GABRG3: variants seen among roughly 807,000 people sequenced by gnomAD.
GABRG3 encodes gamma-aminobutyric acid type A receptor subunit gamma3, also known as gamma-aminobutyric acid receptor subunit gamma-3.
In GABRG3, 25 loss-of-function variants were observed where a neutral mutation model predicts 48.8. The observed-to-expected ratio is 0.51, with a 90% confidence interval of 0.37 to 0.72. The LOEUF is 0.72. GABRG3 is among the 30% of genes least tolerant of loss of function. GABRG3 has a pLI of 0.00. For missense variants in GABRG3, 394 were observed against 577.9 expected, an observed-to-expected ratio of 0.68 and a Z score of 3.26; for synonymous variants, 227 against 217.6, an observed-to-expected ratio of 1.04 and a Z score of -0.38.
chr15:27,438,554 C>T (rs1156964216), intron 5 of GABRG3, among the ~76,000 whole-genome samples: 4 of 152,244 alleles, frequency 2.6e-5, no homozygotes, highest in East Asian at 1.9e-4. Context: ...GGAGGGCTGC[C>T]GTCTGCTCAG....
At chr15:27,513,131 G>T (rs1448358428) in intron 6 of GABRG3, among the ~76,000 whole-genome samples, 2 of 151,890 alleles carry the variant, frequency 1.3e-5, no homozygotes, top group Non-Finnish European at 2.9e-5. Flanking sequence ...GGGGAGGGAA[G>T]GAGAAGAAAT....
intron 6 of GABRG3, among the ~76,000 whole-genome samples, chr15:27,519,530 T>C (rs886929313): frequency 1.3e-5 from 2 of 152,198 alleles, no homozygotes; most frequent in Non-Finnish European, 2.9e-5. Context: ...AAATATAAAA[T>C]GGTTACACAA....
chr15:27,322,888 A>G (rs559404483), intron 3 of GABRG3, among the ~76,000 whole-genome samples: 1 of 152,262 alleles, frequency 6.6e-6, no homozygotes, highest in Non-Finnish European at 1.5e-5. Context: ...CTTAGGCCTC[A>G]GTTTACCCTT....
At chr15:27,059,991 A>C (rs375565085) in intron 3 of GABRG3, among the ~76,000 whole-genome samples, 19 of 152,328 alleles carry the variant, frequency 1.2e-4, no homozygotes, top group African/African-American at 4.3e-4. Context: ...ATTTATTATA[A>C]CCTTTAGTAA....
Position 27,263,349 on chromosome 15 carries a change from T to C in GABRG3, c.271-63460T>C, listed in dbSNP as rs899713136. 4.6e-5 allele frequency among the ~76,000 whole-genome samples: 7 copies of C among 152,280 alleles called. No homozygotes were observed. In the East Asian group the frequency reaches 1.2e-3, roughly 25 times the overall value. On this transcript the variant is annotated intron_variant, in intron 3 of 9. Transcript: ENST00000615808. ...GTCCTGAGAAAATTAACCTGCAATA[T>C]GTAATGCTGTTTTCTGCTGAAGTCA...
At chr15:26,973,441 G>A (rs565176537) in intron 1 of GABRG3, among the ~76,000 whole-genome samples, 5 of 152,330 alleles carry the variant, frequency 3.3e-5, no homozygotes, top group Admixed American at 2.6e-4. Flanking sequence ...TTCTTTGAGA[G>A]TGTCTTTGTT....
rs1888293754 is a variant in GABRG3 at position 27,426,416 on chromosome 15, T to C, written c.575-54234T>C. Among the ~76,000 whole-genome samples the C allele has an allele frequency of 2.6e-5, 4 of 152,180 alleles. 1 individual carries two copies. In the South Asian group the frequency reaches 6.2e-4, roughly 24 times the overall value. On this transcript the variant is annotated intron_variant, in intron 5 of 9. Transcript: ENST00000615808. ...GCCTGGTGTCCAAGCTGAGGACATA[T>C]GCCAGGCAGTCCCATGGGAAATCCA...
intron 3 of GABRG3, among the ~76,000 whole-genome samples, chr15:27,219,989 G>T (rs1403550155): frequency 5.9e-5 from 9 of 152,158 alleles, no homozygotes; most frequent in Non-Finnish European, 1.0e-4. Flanking sequence ...CTGAACTTGG[G>T]TCGGCTCACC....
chr15:27,420,854 AG>A (rs1220656709), intron 5 of GABRG3: 1 of 152,236 alleles, frequency 6.6e-6, no homozygotes, highest in Non-Finnish European at 1.5e-5. Flanking sequence ...AGTAGTGCCA[AG>A]GAAATACACA....
chr15:27,467,213 A>G (rs1003329652), intron 5 of GABRG3, among the ~76,000 whole-genome samples: 12 of 151,962 alleles, frequency 7.9e-5, no homozygotes, highest in Admixed American at 4.6e-4. Flanking sequence ...GAGAAACATC[A>G]TCTCTTTCAT....
chr15:27,310,422 A>T (rs1892956697), intron 3 of GABRG3, among the ~76,000 whole-genome samples: 1 of 152,138 alleles, frequency 6.6e-6, no homozygotes, highest in Non-Finnish European at 1.5e-5. Context: ...CTAGTAAAAG[A>T]TGAGTATTAT....
chr15:27,306,797 A>T (rs1259383521), intron 3 of GABRG3, among the ~76,000 whole-genome samples: 6 of 46,236 alleles, frequency 1.3e-4, no homozygotes, highest in Non-Finnish European at 3.1e-4. Context: ...ATATATAAAC[A>T]TACAATATAA....
intron 2 of GABRG3, among the ~76,000 whole-genome samples, chr15:27,019,021 T>C (rs900833438): frequency 1.4e-5 from 2 of 147,116 alleles, no homozygotes; most frequent in African/African-American, 5.0e-5. Context: ...TAAAAAACAG[T>C]ACTAATCCCA....
At position 27,148,882 on chromosome 15, in the gene GABRG3, A is replaced by G; in HGVS notation, c.270+122061A>G. Reference sequence around the variant, plus strand: ...AAATGTAACCTATGAAAAATCCGCAACTAATATCATACTTAATAATAAAAG... The same window carrying G: ...AAATGTAACCTATGAAAAATCCGCAGCTAATATCATACTTAATAATAAAAG... On this transcript the variant is annotated intron_variant, in intron 3 of 9. Transcript: ENST00000615808. Among the ~76,000 whole-genome samples the G allele has an allele frequency of 1.3e-5, 2 of 152,048 alleles. 1 individual carries two copies. The highest frequency in any genetic ancestry group is 1.3e-4 in the Admixed American group (2 of 15,264).
At chr15:27,367,510 G>A (rs1459761654) in intron 5 of GABRG3, among the ~76,000 whole-genome samples, 1 of 152,098 alleles carries the variant, frequency 6.6e-6, no homozygotes, top group Non-Finnish European at 1.5e-5. Context: ...TTGCTTCATA[G>A]AGTCTACAAT....
intron 3 of GABRG3, among the ~76,000 whole-genome samples, chr15:27,262,486 G>A (rs1340078717): frequency 6.6e-6 from 1 of 152,198 alleles, no homozygotes; most frequent in African/African-American, 2.4e-5. Context: ...AGCGTCAGAG[G>A]TTGATACCTG....
At chr15:27,369,806 CAAAAAAAAAA>C (rs34901488) in intron 5 of GABRG3, among the ~76,000 whole-genome samples, 1 of 30,272 alleles carries the variant, frequency 3.3e-5, no homozygotes, top group East Asian at 1.2e-3. Context: ...GACTCCGTCT[CAAAAAAAAAA>C]AAAAAAAAAA....
chr15:27,222,246 T>G (rs1256682673), intron 3 of GABRG3, among the ~76,000 whole-genome samples: 1 of 152,198 alleles, frequency 6.6e-6, no homozygotes, highest in Non-Finnish European at 1.5e-5. Flanking sequence ...TGCGCAGGCT[T>G]GAATGCTGGC....
At chr15:27,284,146 G>T (rs1020014510) in intron 3 of GABRG3, among the ~76,000 whole-genome samples, 2 of 152,138 alleles carry the variant, frequency 1.3e-5, no homozygotes, top group African/African-American at 4.8e-5. Flanking sequence ...CTTCAACTGA[G>T]AATTAAAAGT....
Sources: gnomAD v4.1 joint callset for allele counts (sites outside exome capture counted in the v4.1 genomes callset) on GRCh38, gnomAD v4.1.1 for gene constraint, MANE v1.5 for transcripts, NCBI Gene and HGNC (gene_info 2026-07-23, HGNC 2026-07-21) for gene names.